ZUP1: variants seen among roughly 807,000 people sequenced by gnomAD.
The protein encoded by ZUP1 is zinc finger-containing ubiquitin peptidase 1.
A neutral mutation model predicts 68.1 loss-of-function variants in ZUP1; 55 were observed. The observed-to-expected ratio is 0.81, with a 90% CI of 0.65 to 1.01. The LOEUF is 1.01. Among genes scored for constraint, ZUP1 ranks in the 50% least tolerant of loss-of-function variants. The pLI, the probability that ZUP1 is intolerant of heterozygous loss-of-function variation, is 0.00. For synonymous variants in ZUP1, 223 were observed against 221.5 expected, an observed-to-expected ratio of 1.01 and a Z score of -0.06; for missense variants, 684 against 674.9, an observed-to-expected ratio of 1.01 and a Z score of -0.15.
intron 7 of ZUP1, among the ~76,000 whole-genome samples, chr6:116,650,422 C>CAAAAAAAAA (rs61692064): frequency 6.4e-5 from 3 of 46,542 alleles, no homozygotes; most frequent in Admixed American, 2.7e-4. Flanking sequence ...AACTCCGTCT[C>CAAAAAAAAA]AAAAAAAAAA....
At position 116,665,754 on chromosome 6, in the gene ZUP1, G is replaced by GTT. The variant is rs557653411; in HGVS notation, c.559+878_559+879dup. On this transcript the variant is annotated intron_variant, in intron 2 of 9. Coordinates refer to ENST00000368576, the MANE Select transcript of ZUP1 (RefSeq NM_145062.3). Reference sequence around the variant, plus strand: ...GCCACTAGGCCTGGCTAGTTTTTTGGTTTTTTTTTTTTTTTTTGAAGAGAC... The same window carrying GTT: ...GCCACTAGGCCTGGCTAGTTTTTTGGTTTTTTTTTTTTTTTTTTTGAAGAGAC... Among the ~76,000 whole-genome samples the GTT allele has an allele frequency of 7.7e-3, 976 of 127,424 alleles. 18 individuals are homozygous for GTT. Among genetic ancestry groups the GTT allele is most frequent in the African/African-American group, 0.023 (795 of 33,972 alleles). 83.6% of individuals were successfully genotyped at this position (127,424 alleles called of 152,430 possible).
chr6:116,658,834 C>T lies in ZUP1; in HGVS notation c.761G>A (p.Arg254Lys). ...EDRKRRSEES[R>K]QEIEEFQKLQ... ...CTTCTGAAATTCTTCTATTTCTTGTCTTGATTCTTCAGATCTCCTCTTTCT... is the reference window on the plus strand; with the variant it reads ...CTTCTGAAATTCTTCTATTTCTTGTTTTGATTCTTCAGATCTCCTCTTTCT... Residue 254 changes from arginine to lysine, a missense_variant, in exon 4 of 10, where the codon AGA (arginine) becomes AAA (lysine). Transcript: ENST00000368576. 2 of 1,603,328 alleles carry T rather than the reference C, an allele frequency of 1.2e-6. No individual in the cohort carries two copies. The highest frequency in any genetic ancestry group is 1.7e-6 in the Non-Finnish European group (2 of 1,172,882).
chr6:116,639,470 C>T (rs1422098780), intron 9 of ZUP1, among the ~76,000 whole-genome samples: 4 of 152,120 alleles, frequency 2.6e-5, no homozygotes, highest in Non-Finnish European at 4.4e-5. Context: ...CTCACACGGC[C>T]GGGTACTCCT....
chr6:116,636,935 G>C (rs982970580), intron 9 of ZUP1, among the ~76,000 whole-genome samples: 3 of 152,048 alleles, frequency 2.0e-5, no homozygotes, highest in Admixed American at 1.3e-4. Context: ...TTTACCTGAT[G>C]ATCTGCAAAA....
At position 116,635,750 on chromosome 6, in the gene ZUP1, A is replaced by T; in HGVS notation, c.*82T>A. On this transcript the variant is annotated 3_prime_UTR_variant, in exon 10 of 10. Transcript: ENST00000368576. ...GACTTAAGAGAATTCACAGATTCAT[A>T]ATTGTATTAAGGAGTTCAATATCTA... The T allele has an allele frequency of 9.3e-7, 1 of 1,074,916 alleles. No homozygotes were observed. Among genetic ancestry groups the T allele is most frequent in the Non-Finnish European group, 1.3e-6 (1 of 747,268 alleles). The allele number at this position is 1,074,916 out of a possible 1,614,324, so 66.6% of individuals were successfully genotyped here.
chr6:116,653,993 A>G (rs986092719), intron 5 of ZUP1, among the ~76,000 whole-genome samples: 1 of 152,052 alleles, frequency 6.6e-6, no homozygotes, highest in African/African-American at 2.4e-5. Context: ...TTATAACAAG[A>G]TTGCAGTATA....
intron 9 of ZUP1, among the ~76,000 whole-genome samples, chr6:116,636,672 T>C (rs1775917923): frequency 6.6e-6 from 1 of 152,108 alleles, no homozygotes; most frequent in East Asian, 1.9e-4. Context: ...AATCACTCTC[T>C]TTCTATAATA....
At position 116,652,208 on chromosome 6, in the gene ZUP1, G is replaced by C; in HGVS notation, c.962-16C>G. 2 of 1,600,054 alleles carry C rather than the reference G, an allele frequency of 1.2e-6. No homozygotes were observed. Among genetic ancestry groups the C allele is most frequent in the South Asian group, 2.2e-5 (2 of 89,392 alleles). On this transcript the variant is annotated splice_polypyrimidine_tract_variant and intron_variant, in intron 5 of 9. Coordinates refer to ENST00000368576, the MANE Select transcript of ZUP1 (RefSeq NM_145062.3). Reference sequence around the variant, plus strand: ...TCAATAATTCCTAAAGTAGAAAAGAGATTCAGAAGCAGTCATTATCACCTT... The same window carrying C: ...TCAATAATTCCTAAAGTAGAAAAGACATTCAGAAGCAGTCATTATCACCTT...
At chr6:116,667,796 G>C (rs1583384118) in intron 1 of ZUP1, among the ~76,000 whole-genome samples, 1 of 152,124 alleles carries the variant, frequency 6.6e-6, no homozygotes, top group Non-Finnish European at 1.5e-5. Context: ...GTGCTCCACA[G>C]CCTGTACTCT....
In ZUP1 at chr6:116,635,729, TAA is replaced by T; in HGVS notation, c.*101_*102del. On this transcript the variant is annotated 3_prime_UTR_variant, in exon 10 of 10. Transcript: ENST00000368576. The stretch of plus-strand genomic sequence containing the variant: ...AGAAATTAAATTATATGTTAAGACT[TAA>T]GAGAATTCACAGATTCATAATTGTA... 1.2e-6 allele frequency: 1 copy of T among 864,888 alleles called. No homozygotes were observed. The highest frequency in any genetic ancestry group is 2.9e-5 in the East Asian group (1 of 34,958). 53.6% of individuals were successfully genotyped at this position (864,888 alleles called of 1,614,324 possible).
At position 116,668,596 on chromosome 6, in the gene ZUP1, G is replaced by A. The variant is rs1272895928; in HGVS notation, c.-46C>T. ...CAGAGGCCAGCAGCTGCCACACTGA[G>A]CTCCGCTAGGCTTCCCCTTTGGGCC... is the stretch of plus-strand genomic sequence containing the variant. On this transcript the variant is annotated 5_prime_UTR_variant, in exon 1 of 10. Coordinates refer to ENST00000368576, the MANE Select transcript of ZUP1 (RefSeq NM_145062.3). The A allele has an allele frequency of 6.6e-6, 1 of 152,636 alleles. No homozygotes were observed. The highest frequency in any genetic ancestry group is 1.5e-5 in the Non-Finnish European group (1 of 68,382). The allele number at this position is 152,636 out of a possible 1,614,324, so 9.5% of individuals were successfully genotyped here.
chr6:116,647,713 C>T (rs1583367209), intron 7 of ZUP1, 103 bp from the exon 8 acceptor site: 4 of 858,268 alleles, frequency 4.7e-6, no homozygotes. Context: ...CTAACTGTTT[C>T]TAGCCATTAC....
intron 5 of ZUP1, among the ~76,000 whole-genome samples, chr6:116,652,978 T>C (rs1776560853): frequency 1.3e-5 from 2 of 152,090 alleles, no homozygotes; most frequent in African/African-American, 2.4e-5. Context: ...TAGAGTTTTA[T>C]TAAATTTTCA....
chr6:116,640,784 C>A (rs1466617264), intron 9 of ZUP1, among the ~76,000 whole-genome samples: 1 of 151,430 alleles, frequency 6.6e-6, no homozygotes, highest in Non-Finnish European at 1.5e-5. Context: ...CATCAACTAA[C>A]AAGCAAAATA....
At chr6:116,651,321 A>G (rs1487285018) in intron 7 of ZUP1, among the ~76,000 whole-genome samples, 1 of 152,162 alleles carries the variant, frequency 6.6e-6, no homozygotes, top group Non-Finnish European at 1.5e-5. Flanking sequence ...ACTATCTGAA[A>G]CTCATAAACC....
chr6:116,661,276 T>C (rs1427580357), intron 2 of ZUP1, among the ~76,000 whole-genome samples: 1 of 152,094 alleles, frequency 6.6e-6, no homozygotes, highest in Non-Finnish European at 1.5e-5. Flanking sequence ...TTGTAGTGGA[T>C]TTAAAAGCTA....
intron 9 of ZUP1, among the ~76,000 whole-genome samples, chr6:116,643,374 C>T (rs186759370): frequency 0.023 from 3,480 of 152,062 alleles, 66 homozygotes; most frequent in Middle Eastern, 0.099. Flanking sequence ...GAGCCCGCAT[C>T]GCCAAGTCAA....
At chr6:116,661,162 C>A (rs1186152083) in intron 2 of ZUP1, among the ~76,000 whole-genome samples, 1 of 152,084 alleles carries the variant, frequency 6.6e-6, no homozygotes, top group Non-Finnish European at 1.5e-5. Context: ...AGGCATGAGC[C>A]ACCATGCCCA....
intron 9 of ZUP1, among the ~76,000 whole-genome samples, chr6:116,644,163 GTC>G (rs1190969047): frequency 1.3e-5 from 2 of 152,196 alleles, no homozygotes; most frequent in African/African-American, 4.8e-5. Flanking sequence ...CAGTTAGAAT[GTC>G]AATCATTAAA....
Sources: gnomAD v4.1 joint callset for allele counts (sites outside exome capture counted in the v4.1 genomes callset) on GRCh38, gnomAD v4.1.1 for gene constraint, MANE v1.5 for transcripts, NCBI Gene and HGNC (gene_info 2026-07-23, HGNC 2026-07-21) for gene names.